The following DSG2 variants were observed in gnomAD, a reference collection of about 807,000 sequenced individuals.
DSG2 encodes desmoglein 2.
Under a neutral mutation model 75.6 loss-of-function variants are expected in DSG2, and 45 were observed. The observed-to-expected ratio is 0.60, with a 90% CI of 0.47 to 0.76. The LOEUF is 0.76. Ranked by LOEUF, DSG2 falls within the 30% of genes least tolerant of loss-of-function variation. The pLI is 0.00. For missense variants in DSG2, 1,267 were observed against 1,357.4 expected (o/e 0.93, Z 1.05); for synonymous variants, 429 against 483.9 (o/e 0.89, Z 1.49).
chr18:31,538,707 G>C (rs770820618), intron 11 of DSG2, 44 bp from the exon 12 acceptor site: 11 of 1,484,050 alleles, frequency 7.4e-6, no homozygotes, highest in Non-Finnish European at 1.0e-5. Flanking sequence ...CCTCATCCTT[G>C]GTAATCGTTC....
Position 31,546,897 on chromosome 18 carries a change from A to T in DSG2, c.*154A>T. 1 of 777,224 alleles carries T rather than the reference A, an allele frequency of 1.3e-6. No homozygotes were observed. The highest frequency in any genetic ancestry group is 2.2e-6 in the Non-Finnish European group (1 of 445,468). 48.1% of individuals were successfully genotyped at this position (777,224 alleles called of 1,614,324 possible). A position where few individuals can be genotyped will look rare whatever the true frequency, so the allele number is the denominator to read the frequency against. On this transcript the variant is annotated 3_prime_UTR_variant, in exon 15 of 15. Coordinates refer to ENST00000261590, the MANE Select transcript of DSG2 (RefSeq NM_001943.5). ...CTCAGTCACTGATATGCAAAGGACC[A>T]CACTGTCTCTGCTTCCAGGAGTATT...
chr18:31,500,474 A>G (rs918802544), intron 1 of DSG2, among the ~76,000 whole-genome samples: 1 of 152,138 alleles, frequency 6.6e-6, no homozygotes, highest in African/African-American at 2.4e-5. Flanking sequence ...CTTGGTGTTC[A>G]CAAATCTAGT....
chr18:31,525,024 C>T, intron 8 of DSG2, 136 bp downstream of exon 8: 1 of 872,844 alleles, frequency 1.1e-6, no homozygotes, highest in South Asian at 1.5e-5. Context: ...AGAAAGGAGC[C>T]ATCCCTATTT....
At chr18:31,517,913 G>A (rs903773930) in intron 1 of DSG2, among the ~76,000 whole-genome samples, 1 of 152,134 alleles carries the variant, frequency 6.6e-6, no homozygotes, top group African/African-American at 2.4e-5. Context: ...GCAGGTCCTG[G>A]AGAACACAAG....
chr18:31,542,190 A>C (rs1014589645), intron 13 of DSG2: 6 of 376,776 alleles, frequency 1.6e-5, no homozygotes, highest in African/African-American at 1.2e-4. Flanking sequence ...ATCCAGGTCA[A>C]AACAAAGTTA....
chr18:31,530,293 C>T (rs2073186883), intron 8 of DSG2, among the ~76,000 whole-genome samples: 1 of 152,034 alleles, frequency 6.6e-6, no homozygotes, highest in African/African-American at 2.4e-5. Context: ...TACTTATTTT[C>T]ACTAAAATAA....
chr18:31,518,350 T>A, intron 2 of DSG2, 76 bp downstream of exon 2: 1 of 1,282,782 alleles, frequency 7.8e-7, no homozygotes, highest in Non-Finnish European at 1.1e-6. Context: ...TGACTGGGCT[T>A]TACTAGATTG....
intron 1 of DSG2, among the ~76,000 whole-genome samples, chr18:31,511,487 T>C (rs2073066663): frequency 6.6e-6 from 1 of 152,200 alleles, no homozygotes; most frequent in African/African-American, 2.4e-5. Flanking sequence ...AGATCCAAAT[T>C]ATTTAGAAAG....
intron 1 of DSG2, among the ~76,000 whole-genome samples, chr18:31,508,557 C>T (rs776835903): frequency 1.3e-5 from 2 of 151,914 alleles, no homozygotes; most frequent in Non-Finnish European, 2.9e-5. Context: ...CCACACCTGG[C>T]TAATTTTTGT....
intron 8 of DSG2, among the ~76,000 whole-genome samples, chr18:31,525,973 T>G (rs545560551): frequency 3.8e-4 from 58 of 152,140 alleles, no homozygotes; most frequent in Non-Finnish European, 6.6e-4. Context: ...AAACCCCATC[T>G]CTACTACTAA....
At chr18:31,522,821 T>C (rs372573639) in intron 6 of DSG2, among the ~76,000 whole-genome samples, 1 of 152,188 alleles carries the variant, frequency 6.6e-6, no homozygotes, top group South Asian at 2.1e-4. Context: ...ATAGGAATCC[T>C]AGTTAGAGAA....
Position 31,521,213 on chromosome 18 carries a change from G to A in DSG2, c.493G>A (p.Val165Ile), listed in dbSNP as rs780081154. ...ACCAGTGTTCACACAGGATGTCTTT[G>A]TTGGGTCTGTTGAAGAGTTGAGTGC... is the stretch of plus-strand genomic sequence containing the variant. ...NEPVFTQDVF[V>I]GSVEELSAAH... Residue 165 changes from valine (V) to isoleucine (I), a missense_variant, in exon 5 of 15, where the codon GTT becomes ATT. By Grantham distance (29) the Val-to-Ile change is conservative. Coordinates refer to ENST00000261590, the MANE Select transcript of DSG2 (RefSeq NM_001943.5). 1.2e-6 allele frequency: 2 copies of A among 1,611,922 alleles called. No individual in the cohort carries two copies. The highest frequency in any genetic ancestry group is 1.7e-5 in the Admixed American group (1 of 59,858).
At chr18:31,506,086 T>G (rs1034716194) in intron 1 of DSG2, among the ~76,000 whole-genome samples, 2 of 152,192 alleles carry the variant, frequency 1.3e-5, no homozygotes, top group Non-Finnish European at 2.9e-5. Flanking sequence ...GAAAGGAGTA[T>G]AAGGACAAGA....
intron 12 of DSG2, among the ~76,000 whole-genome samples, chr18:31,540,705 A>G (rs2073261211): frequency 6.6e-6 from 1 of 152,232 alleles, no homozygotes; most frequent in Admixed American, 6.5e-5. Context: ...TACATTGATC[A>G]AGGGGTCAGC....
rs572853441 is a variant in DSG2, at chr18:31,498,817, A to T, written c.45+521A>T. On this transcript the variant is annotated intron_variant, in intron 1 of 14. Transcript: ENST00000261590. ...GCAAAAAGTTGGCTAAAAATTTTTT[A>T]AAAAGGTGTAATTTACAAAGCTTAA... is the stretch of plus-strand genomic sequence containing the variant. 1.6e-3 allele frequency among the ~76,000 whole-genome samples: 243 copies of T among 152,344 alleles called. 1 individual carries two copies. Among genetic ancestry groups the T allele is most frequent in the African/African-American group, 5.4e-3 (224 of 41,584 alleles).
In DSG2 at chr18:31,498,250, C is replaced by A; in HGVS notation, c.-2C>A. The A allele has an allele frequency of 1.6e-6, 2 of 1,257,632 alleles. No homozygotes were observed. Among genetic ancestry groups the A allele is most frequent in the African/African-American group, 1.5e-5 (1 of 64,558 alleles). 77.9% of individuals were successfully genotyped at this position (1,257,632 alleles called of 1,614,324 possible). A position where few individuals can be genotyped will look rare whatever the true frequency, so the allele number is the denominator to read the frequency against. On this transcript the variant is annotated 5_prime_UTR_variant, in exon 1 of 15. Coordinates refer to ENST00000261590, the MANE Select transcript of DSG2 (RefSeq NM_001943.5). ...GCGGCGGGAGGCGGAGGCGAGGGTG[C>A]GATGGCGCGGAGCCCGGGACGCGCG...
In DSG2 at chr18:31,521,205, A is replaced by T; in HGVS notation, c.485A>T (p.Asp162Val). 6.2e-7 allele frequency: 1 copy of T among 1,613,316 alleles called. No individual in the cohort carries two copies. Among genetic ancestry groups the T allele is most frequent in the Non-Finnish European group, 8.5e-7 (1 of 1,179,684 alleles). ...INDNEPVFTQDVFVGSVEELS... is the reference protein window; with the variant it reads ...INDNEPVFTQVVFVGSVEELS... The stretch of plus-strand genomic sequence containing the variant: ...GACAACGAACCAGTGTTCACACAGG[A>T]TGTCTTTGTTGGGTCTGTTGAAGAG... The change falls in exon 5 of 15, where the codon GAT becomes GTT. Residue 162 changes from aspartate (D) to valine (V), a missense_variant. Transcript: ENST00000261590.
rs1428904891 is a variant in DSG2, at chr18:31,541,312, A to G, written c.1999A>G (p.Lys667Glu). 2 of 1,614,064 alleles carry G rather than the reference A, an allele frequency of 1.2e-6. No individual in the cohort carries two copies. The highest frequency in any genetic ancestry group is 1.7e-6 in the Non-Finnish European group (2 of 1,179,956). Residue 667 changes from lysine to glutamate, a missense_variant and splice_region_variant, in exon 13 of 15, where the codon AAG becomes GAG. Lys to Glu is a moderately conservative substitution (Grantham distance 56). Transcript: ENST00000261590. ...WNNEGAPPEDKVVPSFLPVDQ... is the reference protein window; with the variant it reads ...WNNEGAPPEDEVVPSFLPVDQ... ...TAATGAAGGAGCACCACCTGAAGAC[A>G]AGGTCAGTGGATCAGATGTCAATAT...
intron 1 of DSG2, among the ~76,000 whole-genome samples, 162 bp downstream of exon 1, chr18:31,498,458 G>A (rs891783359): frequency 6.6e-6 from 1 of 152,184 alleles, no homozygotes; most frequent in Non-Finnish European, 1.5e-5. Context: ...AGGCTGCGGC[G>A]AGATCCGACC....
Sources: allele counts gnomAD v4.1 joint callset (sites outside exome capture counted in the v4.1 genomes callset), GRCh38; gene constraint gnomAD v4.1.1; transcripts MANE v1.5; gene names NCBI Gene and HGNC (gene_info 2026-07-23, HGNC 2026-07-21).